USP45: variants seen among roughly 807,000 people sequenced by gnomAD.
USP45 encodes ubiquitin carboxyl-terminal hydrolase 45.
USP45 carries 89 observed loss-of-function variants against 95.8 expected under a neutral mutation model. That is an observed-to-expected ratio of 0.93 (90% confidence interval 0.78 to 1.11). The LOEUF (loss-of-function observed/expected upper bound fraction) is 1.11. USP45 is among the 50% of genes least tolerant of loss of function. USP45 has a pLI of 0.00. For synonymous variants in USP45, 281 were observed against 316.2 expected (o/e 0.89, Z 1.18); for missense variants, 898 against 942.5 (o/e 0.95, Z 0.62).
At position 99,500,857 on chromosome 6, in the gene USP45, C is replaced by T. The variant is rs552572310; in HGVS notation, c.478+2908G>A. Among the ~76,000 whole-genome samples, 31 of 152,288 alleles carry T rather than the reference C, an allele frequency of 2.0e-4. No individual in the cohort carries two copies. In the South Asian group the frequency reaches 6.4e-3, roughly 32 times the overall value. On this transcript the variant is annotated intron_variant, in intron 5 of 17. Coordinates refer to ENST00000500704, the MANE Select transcript of USP45 (RefSeq NM_001346022.3). ...TCAAATGAATCACTTCTACTGCTGT[C>T]CAGGAGCCTGAGTTTACCTTCTCTG...
At chr6:99,469,061 A>G (rs1788656537) in intron 9 of USP45, among the ~76,000 whole-genome samples, 2 of 152,304 alleles carry the variant, frequency 1.3e-5, no homozygotes, top group South Asian at 4.1e-4. Context: ...GCTGGTTACT[A>G]TAATCTCTAT....
upstream of USP45, among the ~76,000 whole-genome samples, chr6:99,516,800 T>C (rs1307746185): frequency 6.6e-6 from 1 of 152,190 alleles, no homozygotes; most frequent in Non-Finnish European, 1.5e-5. Flanking sequence ...ACAAGCAAAC[T>C]TGAGCAAATC....
At chr6:99,442,854 C>T (rs767653421) in intron 15 of USP45, among the ~76,000 whole-genome samples, 1 of 151,362 alleles carries the variant, frequency 6.6e-6, no homozygotes, top group Non-Finnish European at 1.5e-5. Flanking sequence ...CTCTACCCTC[C>T]CAAAAAAATT....
chr6:99,450,803 A>C (rs1783685209), intron 13 of USP45, among the ~76,000 whole-genome samples: 1 of 152,164 alleles, frequency 6.6e-6, no homozygotes, highest in African/African-American at 2.4e-5. Flanking sequence ...CTGGCAAACC[A>C]AATCCAGCAG....
intron 13 of USP45, among the ~76,000 whole-genome samples, chr6:99,452,921 A>G (rs1390622293): frequency 2.0e-5 from 3 of 152,168 alleles, no homozygotes; most frequent in African/African-American, 7.2e-5. Flanking sequence ...GCAAACTATC[A>G]CAAGAACAAA....
At chr6:99,437,581 T>C (rs541240206) in intron 16 of USP45, among the ~76,000 whole-genome samples, 182 bp from the exon 17 acceptor site, 4 of 152,342 alleles carry the variant, frequency 2.6e-5, no homozygotes, top group Admixed American at 6.5e-5. Context: ...GGCTGATTTG[T>C]GGGGAAAAGA....
chr6:99,495,794 T>C (rs753369092), intron 5 of USP45, among the ~76,000 whole-genome samples: 1 of 152,204 alleles, frequency 6.6e-6, no homozygotes, highest in African/African-American at 2.4e-5. Flanking sequence ...TAGTCATAGT[T>C]TGTAGCAGTC....
intron 13 of USP45, among the ~76,000 whole-genome samples, chr6:99,451,282 AC>A (rs1347733237): frequency 6.6e-6 from 1 of 152,072 alleles, no homozygotes; most frequent in East Asian, 1.9e-4. Flanking sequence ...TATTTAGAAA[AC>A]CCCATCATCT....
chr6:99,481,206 G>T (rs1792318499), intron 8 of USP45, among the ~76,000 whole-genome samples: 1 of 152,150 alleles, frequency 6.6e-6, no homozygotes, highest in Non-Finnish European at 1.5e-5. Context: ...ACAAAACTGA[G>T]TAAGTTATAC....
chr6:99,479,298 C>A lies in USP45; in HGVS notation c.846-3068G>T, dbSNP rs941061732. The stretch of plus-strand genomic sequence containing the variant: ...TTAACAGCTCACTGAACACTCAAAA[C>A]TCCTAGGCTCAAGTGATCCTCCTAC... On this transcript the variant is annotated intron_variant, in intron 8 of 17. Coordinates refer to ENST00000500704, the MANE Select transcript of USP45 (RefSeq NM_001346022.3). 3.9e-5 allele frequency among the ~76,000 whole-genome samples: 6 copies of A among 152,106 alleles called. No homozygotes were observed. The East Asian group carries it at 5.8e-4, about 15-fold the overall frequency.
chr6:99,447,194 G>A (rs996799056), intron 13 of USP45, among the ~76,000 whole-genome samples: 3 of 152,150 alleles, frequency 2.0e-5, no homozygotes, highest in African/African-American at 7.2e-5. Context: ...GTTTGGGAAG[G>A]GGGGAATCAA....
chr6:99,469,390 C>T (rs1048309964), intron 9 of USP45, among the ~76,000 whole-genome samples: 3 of 149,550 alleles, frequency 2.0e-5, no homozygotes. Context: ...ATTTTGTCTT[C>T]CTAATTCAGA....
chr6:99,486,386 T>C (rs1793876884), intron 7 of USP45, among the ~76,000 whole-genome samples: 1 of 152,154 alleles, frequency 6.6e-6, no homozygotes, highest in Non-Finnish European at 1.5e-5. Flanking sequence ...ATATTTAAAC[T>C]CAACATCCAA....
intron 3 of USP45, 130 bp from the exon 4 acceptor site, chr6:99,507,661 A>C: frequency 1.6e-6 from 1 of 613,460 alleles, no homozygotes; most frequent in East Asian, 2.8e-5. Context: ...AGAAAGTTTC[A>C]AAAAAGTAAT....
At chr6:99,463,297 G>C (rs774028888) in intron 13 of USP45, among the ~76,000 whole-genome samples, 5 of 152,102 alleles carry the variant, frequency 3.3e-5, no homozygotes, top group Non-Finnish European at 5.9e-5. Context: ...ATCATAGAGA[G>C]ACATAAAACA....
intron 13 of USP45, among the ~76,000 whole-genome samples, chr6:99,453,038 G>A (rs1017158358): frequency 4.6e-5 from 7 of 152,040 alleles, no homozygotes; most frequent in Admixed American, 2.6e-4. Context: ...GGGGTGGCGG[G>A]AGCAGGGAGG....
At chr6:99,488,381 A>G in intron 6 of USP45, 86 bp from the exon 7 acceptor site, 1 of 877,384 alleles carries the variant, frequency 1.1e-6, no homozygotes, top group Non-Finnish European at 1.7e-6. Flanking sequence ...TTCATCTAGC[A>G]TAGCAAAAGT....
At position 99,500,484 on chromosome 6, in the gene USP45, A is replaced by G. The variant is rs1294115315; in HGVS notation, c.478+3281T>C. Among the ~76,000 whole-genome samples, 4 of 152,046 alleles carry G rather than the reference A, an allele frequency of 2.6e-5. No homozygotes were observed. In the East Asian group the frequency reaches 5.8e-4, roughly 22 times the overall value. On this transcript the variant is annotated intron_variant, in intron 5 of 17. Coordinates refer to ENST00000500704, the MANE Select transcript of USP45 (RefSeq NM_001346022.3). The stretch of plus-strand genomic sequence containing the variant: ...CCCTTCCTAGCATCTTTCTTATAAT[A>G]CTTATTCAAGAAATCAGTAAAATTG...
intron 14 of USP45, 130 bp downstream of exon 14, chr6:99,445,667 T>C (rs1365500890): frequency 4.3e-6 from 3 of 703,836 alleles, no homozygotes; most frequent in Non-Finnish European, 6.7e-6. Context: ...GGTACAAATA[T>C]GAATGAAACA....
Sources: allele counts gnomAD v4.1 joint callset (sites outside exome capture counted in the v4.1 genomes callset), GRCh38; gene constraint gnomAD v4.1.1; transcripts MANE v1.5; gene names NCBI Gene and HGNC (gene_info 2026-07-23, HGNC 2026-07-21).